Variants in COPE observed in about 807,000 individuals in gnomAD.
The protein encoded by COPE is coat protein complex I subunit epsilon.
In COPE, 19 loss-of-function variants were observed where a neutral mutation model predicts 42.1. The ratio of observed to expected loss-of-function variants is 0.45; its 90% CI spans 0.31 to 0.66. The LOEUF is 0.66. Ranked by LOEUF, COPE falls within the 30% of genes least tolerant of loss-of-function variation. The pLI is 0.05. For synonymous variants in COPE, 195 were observed against 181.3 expected (o/e 1.08, Z -0.60); for missense variants, 402 against 416.1 (o/e 0.97, Z 0.30).
At chr19:18,916,044 G>A (rs1339557928) in intron 1 of COPE, among the ~76,000 whole-genome samples, 1 of 152,216 alleles carries the variant, frequency 6.6e-6, no homozygotes, top group East Asian at 1.9e-4. Context: ...AATTAGCCAG[G>A]TGTGGTGGCG....
In COPE at chr19:18,911,003, C is replaced by T; in HGVS notation, c.258G>A (p.Met86Ile). The T allele has an allele frequency of 4.3e-6, 7 of 1,614,028 alleles. No homozygotes were observed. The highest frequency in any genetic ancestry group is 5.9e-6 in the Non-Finnish European group (7 of 1,180,036). ...SSAPELQAVR[M>I]FADYLAHESR... ...TCTCGTGGGCGAGGTAGTCAGCAAA[C>T]ATGCGCACGGCCTGGAGCTCAGGGG... Residue 86 changes from methionine (M) to isoleucine (I), a missense_variant, in exon 3 of 10, where the codon ATG becomes ATA. By Grantham distance (10) the Met-to-Ile change is conservative. Transcript: ENST00000262812.
intron 2 of COPE, chr19:18,911,398 T>G: frequency 3.0e-6 from 1 of 336,758 alleles, no homozygotes; most frequent in Non-Finnish European, 5.8e-6. Flanking sequence ...GCAGCAGTTA[T>G]GGGGGTTGTG....
intron 1 of COPE, among the ~76,000 whole-genome samples, chr19:18,913,990 G>A (rs1174371819): frequency 1.3e-5 from 2 of 152,128 alleles, no homozygotes; most frequent in Admixed American, 6.5e-5. Context: ...GATGTCAAAC[G>A]TGTCCTCATC....
intron 1 of COPE, 62 bp from the exon 2 acceptor site, chr19:18,913,108 G>A (rs369204587): frequency 1.4e-6 from 2 of 1,439,308 alleles, no homozygotes; most frequent in Admixed American, 1.7e-5. Flanking sequence ...CACACAGGGT[G>A]AGCATGACAG....
chr19:18,912,845 TCA>T lies in COPE; in HGVS notation c.189+137_189+138del, dbSNP rs908881511. 4.9e-5 allele frequency: 37 copies of T among 754,360 alleles called. 1 individual carries two copies. Among genetic ancestry groups the T allele is most frequent in the Middle Eastern group, 3.0e-4 (1 of 3,360 alleles). The allele number at this position is 754,360 out of a possible 1,614,324, so 46.7% of individuals were successfully genotyped here. ...TTCACATGCTGGCTGCGCTGGCTGT[TCA>T]CAGTCACTGAACACTGCAGGCCTGG... is the stretch of plus-strand genomic sequence containing the variant. On this transcript the variant is annotated intron_variant, in intron 2 of 9. Transcript: ENST00000262812.
In COPE at chr19:18,903,434, G is replaced by T. The variant is rs776475900; in HGVS notation, c.580-11C>A. 4 of 1,594,016 alleles carry T rather than the reference G, an allele frequency of 2.5e-6. No homozygotes were observed. In the South Asian group the frequency reaches 4.5e-5, roughly 18 times the overall value. On this transcript the variant is annotated splice_polypyrimidine_tract_variant and intron_variant, in intron 6 of 9. Transcript: ENST00000262812. ...CAGCTTCTCACCACCCTGCAGGGAG[G>T]GTCCCGCATCATTGCCTGTGCCCCT...
chr19:18,902,755 G>A (rs1568314691), intron 7 of COPE, among the ~76,000 whole-genome samples: 3 of 50,534 alleles, frequency 5.9e-5, no homozygotes, highest in Admixed American at 2.5e-4. Context: ...AGGAAAGGAA[G>A]GAAGGAAGGA....
chr19:18,911,144 G>C, intron 2 of COPE, 73 bp from the exon 3 acceptor site: 3 of 1,405,390 alleles, frequency 2.1e-6, no homozygotes, highest in Non-Finnish European at 3.0e-6. Context: ...TTGGCAGGGA[G>C]AGCCCCAGAC....
chr19:18,906,046 C>T (rs1010582336), intron 4 of COPE: 8 of 409,136 alleles, frequency 2.0e-5, no homozygotes, highest in African/African-American at 1.2e-4. Flanking sequence ...CAGGCCCCCT[C>T]GTCCCCTCAT....
Position 18,913,115 on chromosome 19 carries a change from A to G in COPE, c.127-69T>C, listed in dbSNP as rs895667328. ...GCGCAGCCCACACAGGGTGAGCATG[A>G]CAGACAGGCCCCTGTACACTGGGGA... is the stretch of plus-strand genomic sequence containing the variant. On this transcript the variant is annotated intron_variant, in intron 1 of 9. Transcript: ENST00000262812. 6 of 1,382,602 alleles carry G rather than the reference A, an allele frequency of 4.3e-6. No homozygotes were observed. The Admixed American group carries it at 8.5e-5, about 20-fold the overall frequency. 85.6% of individuals were successfully genotyped at this position (1,382,602 alleles called of 1,614,324 possible).
At chr19:18,907,299 T>C (rs907149257) in intron 3 of COPE, among the ~76,000 whole-genome samples, 187 bp from the exon 4 acceptor site, 2 of 152,088 alleles carry the variant, frequency 1.3e-5, no homozygotes, top group African/African-American at 4.8e-5. Flanking sequence ...GCACCTCTCA[T>C]GCTGGGCCAG....
chr19:18,913,806 A>G (rs1272184043), intron 1 of COPE, among the ~76,000 whole-genome samples: 2 of 152,178 alleles, frequency 1.3e-5, no homozygotes, highest in Non-Finnish European at 2.9e-5. Context: ...ACAACCTCTA[A>G]ACAGAGGGGA....
chr19:18,905,987 GC>G, intron 4 of COPE: 1 of 438,744 alleles, frequency 2.3e-6, no homozygotes, highest in Non-Finnish European at 4.0e-6. Flanking sequence ...CCACGCACCC[GC>G]CCCTGCACCT....
At chr19:18,900,169 G>C (rs2146095076) in intron 8 of COPE, among the ~76,000 whole-genome samples, 1 of 151,690 alleles carries the variant, frequency 6.6e-6, no homozygotes, top group East Asian at 1.9e-4. Context: ...CGTACATGGT[G>C]GGGGATGTAT....
chr19:18,908,351 C>T (rs140188904), intron 3 of COPE, among the ~76,000 whole-genome samples: 193 of 151,934 alleles, frequency 1.3e-3, no homozygotes, highest in Middle Eastern at 6.8e-3. Flanking sequence ...GGCTTCAGCC[C>T]GGGAGGTTGA....
chr19:18,915,303 C>A (rs553920163), intron 1 of COPE, among the ~76,000 whole-genome samples: 20 of 152,344 alleles, frequency 1.3e-4, no homozygotes, highest in South Asian at 8.3e-4. Context: ...AGGGTGGCCT[C>A]AGCCGCCCCT....
chr19:18,911,671 C>G (rs2056811687), intron 2 of COPE, among the ~76,000 whole-genome samples: 2 of 151,950 alleles, frequency 1.3e-5, no homozygotes. Context: ...CCTGCCTCAG[C>G]CTCCCGAGTA....
rs779610321 is a variant in COPE, at chr19:18,907,070, G to A, written c.333C>T (p.Ser111=). The A allele has an allele frequency of 5.6e-6, 9 of 1,610,936 alleles. No individual in the cohort carries two copies. The highest frequency in any genetic ancestry group is 5.0e-5 in the Admixed American group (3 of 59,666). Residue 111 remains serine, a synonymous_variant, in exon 4 of 10, where the codon AGC becomes AGT. Coordinates refer to ENST00000262812, the MANE Select transcript of COPE (RefSeq NM_007263.4). ...GGAAGGTGGTGTTGGTCACGTCCAC[G>A]CTCCTGCTCATCTCTCGGTCCAGCT... The part of the protein sequence containing the change: ...VAELDREMSR[S]VDVTNTTFLL...
intron 7 of COPE, among the ~76,000 whole-genome samples, chr19:18,900,851 G>A (rs1431892681): frequency 6.6e-6 from 1 of 152,144 alleles, no homozygotes; most frequent in Non-Finnish European, 1.5e-5. Flanking sequence ...CTCGGCAGGG[G>A]ACCTTGCCTG....
Sources: allele counts gnomAD v4.1 joint callset (sites outside exome capture counted in the v4.1 genomes callset), GRCh38; gene constraint gnomAD v4.1.1; transcripts MANE v1.5; gene names NCBI Gene and HGNC (gene_info 2026-07-23, HGNC 2026-07-21).